Variants in LRRC4C observed in about 807,000 individuals in gnomAD.
The protein encoded by LRRC4C is leucine rich repeat containing 4C.
In LRRC4C, 5 loss-of-function variants were observed where a neutral mutation model predicts 33.6. The observed-to-expected ratio is 0.15, with a 90% confidence interval of 0.08 to 0.31. The LOEUF (loss-of-function observed/expected upper bound fraction) is 0.31, where lower values mean the gene tolerates loss of function less well. Ranked by LOEUF, LRRC4C falls within the 10% of genes least tolerant of loss-of-function variation. The pLI is 1.00. For missense variants in LRRC4C, 560 were observed against 796.7 expected, an observed-to-expected ratio of 0.70 and a Z score of 3.58; for synonymous variants, 329 against 302.0, an observed-to-expected ratio of 1.09 and a Z score of -0.93.
intron 4 of LRRC4C, among the ~76,000 whole-genome samples, chr11:40,274,293 T>C (rs920523261): frequency 6.6e-6 from 1 of 151,918 alleles, no homozygotes; most frequent in Non-Finnish European, 1.5e-5. Flanking sequence ...CATCCAGGGC[T>C]TCCCTTTCAG....
intron 1 of LRRC4C, among the ~76,000 whole-genome samples, chr11:41,228,249 C>T (rs1947630312): frequency 6.6e-6 from 1 of 151,996 alleles, no homozygotes; most frequent in African/African-American, 2.4e-5. Flanking sequence ...TTTTCATTCT[C>T]ATATAGATAG....
chr11:40,989,051 T>C (rs997572058), intron 1 of LRRC4C, among the ~76,000 whole-genome samples: 1 of 152,124 alleles, frequency 6.6e-6, no homozygotes, highest in African/African-American at 2.4e-5. Context: ...ATTCACGACA[T>C]ACTGGCTGTT....
intron 1 of LRRC4C, among the ~76,000 whole-genome samples, chr11:41,158,873 C>A (rs1013705214): frequency 1.3e-5 from 2 of 152,054 alleles, no homozygotes; most frequent in African/African-American, 4.8e-5. Flanking sequence ...TTTAAAAGAG[C>A]TAAAATTAAG....
rs1591332613 is a variant in LRRC4C, at chr11:41,352,842, A to G, written c.-496+106589T>C. Among the ~76,000 whole-genome samples, 3 of 152,252 alleles carry G rather than the reference A, an allele frequency of 2.0e-5. No homozygotes were observed. In the South Asian group the frequency reaches 6.2e-4, roughly 32 times the overall value. On this transcript the variant is annotated intron_variant, in intron 1 of 6. Transcript: ENST00000528697. ...AAACTAATGAAAATAAAAATACAAC[A>G]CACCAGAATCTCTGGGACATAGACA... is the stretch of plus-strand genomic sequence containing the variant.
intron 1 of LRRC4C, among the ~76,000 whole-genome samples, chr11:41,127,876 C>T (rs930487188): frequency 6.6e-6 from 1 of 152,094 alleles, no homozygotes; most frequent in Non-Finnish European, 1.5e-5. Flanking sequence ...AATCCTTTAT[C>T]TTTAACCTAC....
At chr11:41,317,304 G>A (rs770209888) in intron 1 of LRRC4C, among the ~76,000 whole-genome samples, 1 of 151,750 alleles carries the variant, frequency 6.6e-6, no homozygotes, top group Non-Finnish European at 1.5e-5. Context: ...CAAATGATAA[G>A]TGGAAATTAA....
intron 5 of LRRC4C, among the ~76,000 whole-genome samples, chr11:40,164,577 C>T (rs1371847923): frequency 2.0e-5 from 3 of 152,144 alleles, no homozygotes; most frequent in African/African-American, 7.2e-5. Context: ...AACTGGATAT[C>T]ACTGTGACTA....
At chr11:40,426,305 G>A (rs549095391) in intron 3 of LRRC4C, among the ~76,000 whole-genome samples, 43 of 151,970 alleles carry the variant, frequency 2.8e-4, no homozygotes, top group African/African-American at 8.9e-4. Context: ...GAGCCACCGC[G>A]CCTGGCCAGC....
At chr11:40,704,633 G>A (rs753029738) in intron 2 of LRRC4C, among the ~76,000 whole-genome samples, 9 of 151,974 alleles carry the variant, frequency 5.9e-5, no homozygotes, top group South Asian at 2.1e-4. Context: ...TAATCTCTCC[G>A]GACCTCAGTT....
chr11:40,231,668 C>T (rs1029128207), intron 5 of LRRC4C, among the ~76,000 whole-genome samples: 1 of 152,006 alleles, frequency 6.6e-6, no homozygotes, highest in Non-Finnish European at 1.5e-5. Context: ...GACATATAAA[C>T]AGGTTTATAG....
At chr11:41,344,307 A>G (rs146507029) in intron 1 of LRRC4C, among the ~76,000 whole-genome samples, 5 of 147,146 alleles carry the variant, frequency 3.4e-5, no homozygotes, top group African/African-American at 7.5e-5. Context: ...GCTCGCTGCA[A>G]CCTCCCGGGT....
intron 3 of LRRC4C, among the ~76,000 whole-genome samples, chr11:40,441,552 G>C (rs936554630): frequency 2.0e-5 from 3 of 152,172 alleles, no homozygotes; most frequent in African/African-American, 7.2e-5. Flanking sequence ...GGCTAATTTA[G>C]AACACAGGTT....
At chr11:40,294,218 A>T (rs1431517832) in intron 4 of LRRC4C, 2 of 152,172 alleles carry the variant, frequency 1.3e-5, no homozygotes, top group African/African-American at 4.8e-5. Flanking sequence ...TAACACTTGA[A>T]GTCAGGGAAG....
intron 2 of LRRC4C, among the ~76,000 whole-genome samples, chr11:40,697,061 C>T (rs570290239): frequency 6.6e-6 from 1 of 152,110 alleles, no homozygotes; most frequent in East Asian, 1.9e-4. Context: ...GTTTTAGCTC[C>T]TTTTCATTAA....
chr11:40,854,677 T>C (rs1953686737), intron 2 of LRRC4C, among the ~76,000 whole-genome samples: 1 of 151,624 alleles, frequency 6.6e-6, no homozygotes, highest in African/African-American at 2.4e-5. Context: ...ACATTAAAAA[T>C]ATGTTTGTGT....
At chr11:41,415,665 CA>C (rs1444952681) in intron 1 of LRRC4C, among the ~76,000 whole-genome samples, 2 of 152,032 alleles carry the variant, frequency 1.3e-5, no homozygotes, top group Non-Finnish European at 2.9e-5. Flanking sequence ...CGTTTTAATT[CA>C]TTTTAGATGT....
chr11:40,896,749 A>G (rs1955959794), intron 2 of LRRC4C, among the ~76,000 whole-genome samples: 1 of 152,046 alleles, frequency 6.6e-6, no homozygotes, highest in African/African-American at 2.4e-5. Context: ...AAAATATATT[A>G]TTGTTAAATA....
chr11:40,821,132 C>A (rs952006316), intron 2 of LRRC4C, among the ~76,000 whole-genome samples: 3 of 151,616 alleles, frequency 2.0e-5, no homozygotes, highest in Non-Finnish European at 4.4e-5. Context: ...CTCTAAAACA[C>A]TGCCAACAAA....
At chr11:41,449,768 GAA>G (rs35510106) in intron 1 of LRRC4C, among the ~76,000 whole-genome samples, 31 of 108,452 alleles carry the variant, frequency 2.9e-4, no homozygotes, top group Admixed American at 5.9e-4. Flanking sequence ...CCTCTTGATG[GAA>G]AAAAAAAAAA....
Sources: allele counts gnomAD v4.1 joint callset (sites outside exome capture counted in the v4.1 genomes callset), GRCh38; gene constraint gnomAD v4.1.1; transcripts MANE v1.5; gene names NCBI Gene and HGNC (gene_info 2026-07-23, HGNC 2026-07-21).